TPO: variants seen among roughly 807,000 people sequenced by gnomAD.
The protein encoded by TPO is thyroid peroxidase.
A neutral mutation model predicts 96.9 loss-of-function variants in TPO; 78 were observed. The ratio of observed to expected loss-of-function variants is 0.81; its 90% CI spans 0.67 to 0.97. TPO has a LOEUF of 0.97. Ranked by LOEUF, TPO falls within the 50% of genes least tolerant of loss-of-function variation. TPO has a pLI of 0.00. For synonymous variants in TPO, 547 were observed against 538.0 expected (o/e 1.02, Z -0.23); for missense variants, 1,252 against 1,274.8 (o/e 0.98, Z 0.27).
At chr2:1,478,580 T>C (rs1012804629) in intron 8 of TPO, among the ~76,000 whole-genome samples, 8 of 152,220 alleles carry the variant, frequency 5.3e-5, no homozygotes, top group African/African-American at 1.7e-4. Flanking sequence ...GAAGCCTCCA[T>C]GCGCTGGGTG....
chr2:1,405,675 G>A (rs146319303), intron 1 of TPO, among the ~76,000 whole-genome samples: 262 of 152,244 alleles, frequency 1.7e-3, no homozygotes, highest in African/African-American at 5.9e-3. Flanking sequence ...GATTCTAATA[G>A]GGAATGTCTC....
At chr2:1,537,865 C>CCCCCCACTGTGAGCAACCTCCTCAAAT in intron 15 of TPO, among the ~76,000 whole-genome samples, 1 of 30,956 alleles carries the variant, frequency 3.2e-5, no homozygotes, top group Non-Finnish European at 6.6e-5. Flanking sequence ...AATCTCAAAT[C>CCCCCCACTGTGAGCAACCTCCTCAAAT]CCCCCCACTG....
rs1672274614 is a variant in TPO, at chr2:1,495,857, C to T, written c.2007-132C>T. 7.8e-6 allele frequency: 8 copies of T among 1,020,900 alleles called. No homozygotes were observed. In the Admixed American group the frequency reaches 1.6e-4, roughly 21 times the overall value. The allele number at this position is 1,020,900 out of a possible 1,614,324, so 63.2% of individuals were successfully genotyped here. On this transcript the variant is annotated intron_variant, in intron 11 of 16. Transcript: ENST00000329066. ...CCTCAGCGCCTGCACCTGTGTGGCC[C>T]CGGGTGCTGGGGGTCTGGGCAGACG... is the stretch of plus-strand genomic sequence containing the variant.
chr2:1,413,659 C>T (rs868841579), intron 1 of TPO, 114 bp downstream of exon 1: 12 of 985,220 alleles, frequency 1.2e-5, no homozygotes, highest in African/African-American at 1.7e-5. Flanking sequence ...GTATGGGTGG[C>T]GTCTCTCAGC....
At chr2:1,481,623 C>T (rs991978542) in intron 8 of TPO, among the ~76,000 whole-genome samples, 1 of 152,204 alleles carries the variant, frequency 6.6e-6, no homozygotes, top group Non-Finnish European at 1.5e-5. Context: ...CTGGGCCACT[C>T]GGCTGCTGAC....
chr2:1,530,073 T>C lies in TPO; in HGVS notation c.2619-10521T>C, dbSNP rs1190885015. On this transcript the variant is annotated intron_variant, in intron 15 of 16. Coordinates refer to ENST00000329066, the MANE Select transcript of TPO (RefSeq NM_001206744.2). ...ACCTCCCCAAGTCTCCCACACTCTG[T>C]GCAACCTCCTCAAATCCCCCCACTG... Among the ~76,000 whole-genome samples, 7 of 136,822 alleles carry C rather than the reference T, an allele frequency of 5.1e-5. 1 individual carries two copies. In the South Asian group the frequency reaches 7.2e-4, roughly 14 times the overall value. 89.8% of individuals were successfully genotyped at this position (136,822 alleles called of 152,430 possible). A position where few individuals can be genotyped will look rare whatever the true frequency, so the allele number is the denominator to read the frequency against.
At chr2:1,378,458 A>T (rs114763997) in intron 1 of TPO, among the ~76,000 whole-genome samples, 2 of 152,330 alleles carry the variant, frequency 1.3e-5, no homozygotes, top group Middle Eastern at 3.4e-3. Context: ...TGCCCCTTCA[A>T]ATGTGCCTGT....
At position 1,514,842 on chromosome 2, in the gene TPO, G is replaced by A. The variant is rs577794631; in HGVS notation, c.2519-2041G>A. 3.3e-5 allele frequency among the ~76,000 whole-genome samples: 5 copies of A among 152,312 alleles called. No homozygotes were observed. In the South Asian group the frequency reaches 6.2e-4, roughly 19 times the overall value. Reference sequence around the variant, plus strand: ...TCTGGCCTTCCCCCTGCCCAGGCTCGTTTCACACTTTTGGGTAAACATGGA... The same window carrying A: ...TCTGGCCTTCCCCCTGCCCAGGCTCATTTCACACTTTTGGGTAAACATGGA... On this transcript the variant is annotated intron_variant, in intron 14 of 16. Transcript: ENST00000329066.
intron 3 of TPO, among the ~76,000 whole-genome samples, chr2:1,426,430 CCA>C (rs1461895539): frequency 9.2e-5 from 14 of 152,242 alleles, no homozygotes; most frequent in African/African-American, 3.4e-4. Context: ...CCTCAGAAGT[CCA>C]TGCTTCTTCT....
chr2:1,438,297 ATTATC>A lies in TPO; in HGVS notation c.482+1917_482+1921del, dbSNP rs939752286. On this transcript the variant is annotated intron_variant, in intron 5 of 16. Coordinates refer to ENST00000329066, the MANE Select transcript of TPO (RefSeq NM_001206744.2). ...ATTGAATTCTGCATTCCTAAGCACA[ATTATC>A]TTAAGAATCAGCGAGTCATACTTTC... Among the ~76,000 whole-genome samples the A allele has an allele frequency of 2.9e-4, 44 of 152,112 alleles. 1 individual carries two copies. The highest frequency in any genetic ancestry group is 1.0e-3 in the African/African-American group (43 of 41,420).
At chr2:1,494,849 A>G (rs190477824) in intron 11 of TPO, among the ~76,000 whole-genome samples, 16 of 152,312 alleles carry the variant, frequency 1.1e-4, no homozygotes, top group Admixed American at 9.1e-4. Context: ...CACCTGCCAC[A>G]CGCTGGGGCT....
At chr2:1,535,237 A>C (rs1679330498) in intron 15 of TPO, among the ~76,000 whole-genome samples, 2 of 110,638 alleles carry the variant, frequency 1.8e-5, no homozygotes, top group Non-Finnish European at 3.8e-5. Context: ...AACCTCCCCA[A>C]ATCCACCCCA....
chr2:1,535,130 C>G (rs113991121), intron 15 of TPO, among the ~76,000 whole-genome samples: 9 of 95,610 alleles, frequency 9.4e-5, no homozygotes, highest in African/African-American at 8.3e-5. Flanking sequence ...TCCCCCCACT[C>G]TGTGCAACCT....
chr2:1,527,749 G>GTA, intron 15 of TPO, among the ~76,000 whole-genome samples: 1 of 134,042 alleles, frequency 7.5e-6, no homozygotes, highest in African/African-American at 2.9e-5. Flanking sequence ...CTCCCACTCT[G>GTA]GGCAACCTCC....
intron 10 of TPO, among the ~76,000 whole-genome samples, chr2:1,492,534 T>C (rs1300807196): frequency 6.6e-6 from 1 of 152,196 alleles, no homozygotes; most frequent in South Asian, 2.1e-4. Context: ...TTCTTCCAAG[T>C]TGTTCCCACC....
chr2:1,433,410 T>G, intron 3 of TPO, 28 bp from the exon 4 acceptor site: 1 of 1,612,794 alleles, frequency 6.2e-7, no homozygotes, highest in South Asian at 1.1e-5. Context: ...ACAAATAATC[T>G]ATTTTATATC....
intron 15 of TPO, among the ~76,000 whole-genome samples, chr2:1,533,187 T>G (rs1466999732): frequency 7.9e-5 from 3 of 37,794 alleles, no homozygotes; most frequent in African/African-American, 1.8e-4. Context: ...ATCCCCCCAC[T>G]GTGTGCAATC....
At chr2:1,476,010 G>A (rs1476691501) in intron 7 of TPO, among the ~76,000 whole-genome samples, 1 of 152,188 alleles carries the variant, frequency 6.6e-6, no homozygotes, top group Non-Finnish European at 1.5e-5. Context: ...TCCCTGCACC[G>A]CACGGCACCG....
At chr2:1,455,395 C>T (rs1017077198) in intron 6 of TPO, among the ~76,000 whole-genome samples, 21 of 152,174 alleles carry the variant, frequency 1.4e-4, no homozygotes, top group African/African-American at 4.1e-4. Flanking sequence ...CATCCCATGA[C>T]GGCACCAACT....
Sources: gnomAD v4.1 joint callset for allele counts (sites outside exome capture counted in the v4.1 genomes callset) on GRCh38, gnomAD v4.1.1 for gene constraint, MANE v1.5 for transcripts, NCBI Gene and HGNC (gene_info 2026-07-23, HGNC 2026-07-21) for gene names.